TACC2: variants seen among roughly 807,000 people sequenced by gnomAD.
TACC2 encodes the protein transforming acidic coiled-coil containing protein 2, also known as transforming acidic coiled-coil-containing protein 2.
Under a neutral mutation model 227.3 loss-of-function variants are expected in TACC2, and 137 were observed. The ratio of observed to expected loss-of-function variants is 0.60; its 90% CI spans 0.52 to 0.69. The LOEUF is 0.69. Ranked by LOEUF, TACC2 falls within the 30% of genes least tolerant of loss-of-function variation. The pLI, the probability that TACC2 is intolerant of heterozygous loss-of-function variation, is 0.00. For synonymous variants in TACC2, 1,523 were observed against 1,487.5 expected (o/e 1.02, Z -0.55); for missense variants, 3,470 against 3,694.4 (o/e 0.94, Z 1.57).
chr10:122,017,145 TCC>T (rs1956755308), intron 1 of TACC2, among the ~76,000 whole-genome samples: 1 of 152,138 alleles, frequency 6.6e-6, no homozygotes, highest in African/African-American at 2.4e-5. Context: ...GAGCAGCCTC[TCC>T]TCTCTGCTCA....
chr10:122,147,903 T>C (rs2091581780), intron 7 of TACC2, among the ~76,000 whole-genome samples: 1 of 152,144 alleles, frequency 6.6e-6, no homozygotes, highest in South Asian at 2.1e-4. Context: ...TCACCTTCAG[T>C]GCACTCTCCA....
At chr10:122,122,100 A>G (rs1396069528) in intron 5 of TACC2, among the ~76,000 whole-genome samples, 3 of 152,200 alleles carry the variant, frequency 2.0e-5, no homozygotes, top group African/African-American at 7.2e-5. Context: ...TCACGCCTGT[A>G]ATCCCAGCAC....
At chr10:122,183,406 C>T (rs563141351) in intron 7 of TACC2, among the ~76,000 whole-genome samples, 1 of 152,200 alleles carries the variant, frequency 6.6e-6, no homozygotes, top group East Asian at 1.9e-4. Context: ...ATGAGAGTAA[C>T]AGAATTCAGG....
At chr10:122,114,723 A>T (rs1342730976) in intron 5 of TACC2, among the ~76,000 whole-genome samples, 1 of 152,210 alleles carries the variant, frequency 6.6e-6, no homozygotes, top group African/African-American at 2.4e-5. Flanking sequence ...CAGAAGTGTG[A>T]TCATGGAATA....
At chr10:122,137,973 C>T (rs1202872554) in intron 6 of TACC2, among the ~76,000 whole-genome samples, 1 of 152,236 alleles carries the variant, frequency 6.6e-6, no homozygotes, top group African/African-American at 2.4e-5. Context: ...AGTGTCATAG[C>T]CTCACCAGCG....
chr10:122,171,711 C>T (rs1284834811), intron 7 of TACC2, among the ~76,000 whole-genome samples: 5 of 152,216 alleles, frequency 3.3e-5, no homozygotes, highest in South Asian at 2.1e-4. Context: ...TGTAGGTGGA[C>T]GTATCATTTG....
At chr10:122,056,556 C>T (rs2076231221) in intron 3 of TACC2, among the ~76,000 whole-genome samples, 1 of 152,202 alleles carries the variant, frequency 6.6e-6, no homozygotes. Flanking sequence ...TGCATTCTGC[C>T]ACGCGGCTGT....
In TACC2 at chr10:122,211,682, CAAG is replaced by C. The variant is rs763225454; in HGVS notation, c.7268_7270del (p.Lys2423del). Reference sequence around the variant, plus strand: ...ACGGGGATGGGCTAAACAAGCCCGCCAAGAAGAAGAAGACGCCCCTAAAGACGT... The same window carrying C: ...ACGGGGATGGGCTAAACAAGCCCGCCAAGAAGAAGACGCCCCTAAAGACGT... On this transcript the variant is annotated inframe_deletion, in exon 9 of 23. Coordinates refer to ENST00000369005, the MANE Select transcript of TACC2 (RefSeq NM_206862.4). 90 of 1,564,202 alleles carry C rather than the reference CAAG, an allele frequency of 5.8e-5. No individual in the cohort carries two copies. The highest frequency in any genetic ancestry group is 7.1e-5 in the Non-Finnish European group (83 of 1,162,184).
chr10:122,120,241 C>G (rs111768863), intron 5 of TACC2, among the ~76,000 whole-genome samples: 3 of 152,164 alleles, frequency 2.0e-5, no homozygotes, highest in Non-Finnish European at 4.4e-5. Flanking sequence ...CCTGCTCCCC[C>G]GCCTGGCCTA....
At chr10:122,253,965 A>C (rs1414805305) in intron 22 of TACC2, 26 bp from the exon 23 acceptor site, 3 of 1,608,736 alleles carry the variant, frequency 1.9e-6, no homozygotes, top group Non-Finnish European at 2.6e-6. Flanking sequence ...AAACATCAGC[A>C]ACTTCTTCCT....
chr10:122,062,181 C>T (rs1039525565), intron 3 of TACC2, among the ~76,000 whole-genome samples: 4 of 151,990 alleles, frequency 2.6e-5, no homozygotes, highest in South Asian at 2.1e-4. Context: ...TACAGGTGCC[C>T]GCCACCACGC....
chr10:122,102,532 TC>T (rs1426573255), intron 5 of TACC2, among the ~76,000 whole-genome samples: 1 of 152,224 alleles, frequency 6.6e-6, no homozygotes, highest in Non-Finnish European at 1.5e-5. Flanking sequence ...CACTTGGACA[TC>T]TGACTGTCTC....
At chr10:122,018,801 A>C (rs1346474638) in intron 1 of TACC2, among the ~76,000 whole-genome samples, 2 of 152,030 alleles carry the variant, frequency 1.3e-5, no homozygotes, top group Non-Finnish European at 2.9e-5. Flanking sequence ...AAACATACAC[A>C]CTTCTGCTCT....
chr10:122,012,823 G>T (rs56281275), intron 1 of TACC2, among the ~76,000 whole-genome samples: 69,190 of 151,654 alleles, frequency 0.46, 15,908 homozygotes, highest in South Asian at 0.62. Context: ...CACCATGTGG[G>T]GGTGCTGCAG....
At chr10:122,051,968 G>C (rs1223126588) in intron 3 of TACC2, 1 of 151,736 alleles carries the variant, frequency 6.6e-6, no homozygotes, top group Non-Finnish European at 1.5e-5. Flanking sequence ...TTTGCTGAGG[G>C]AATCAGAATG....
chr10:122,102,535 G>A (rs2082291789), intron 5 of TACC2, among the ~76,000 whole-genome samples: 1 of 152,210 alleles, frequency 6.6e-6, no homozygotes, highest in African/African-American at 2.4e-5. Flanking sequence ...TTGGACATCT[G>A]ACTGTCTCCT....
At chr10:122,249,517 A>G (rs1564879226) in intron 21 of TACC2, 27 bp from the exon 22 acceptor site, 1 of 1,610,348 alleles carries the variant, frequency 6.2e-7, no homozygotes, top group Non-Finnish European at 8.5e-7. Flanking sequence ...CAAAAGAGTG[A>G]TAATTCTGAG....
chr10:122,147,451 CT>C lies in TACC2; in HGVS notation c.5834+3752del, dbSNP rs1471377163. On this transcript the variant is annotated intron_variant, in intron 7 of 22. Transcript: ENST00000369005. ...TGAGCCACTGCGCCCCGCCAAGTTC[CT>C]TTTTTTCCCCCATTTCAGTACTGTC... 2.4e-4 allele frequency among the ~76,000 whole-genome samples: 36 copies of C among 152,224 alleles called. 1 individual carries two copies. The highest frequency in any genetic ancestry group is 1.1e-3 in the Admixed American group (17 of 15,286).
At chr10:122,152,494 C>T (rs1366984967) in intron 7 of TACC2, among the ~76,000 whole-genome samples, 1 of 152,220 alleles carries the variant, frequency 6.6e-6, no homozygotes, top group Non-Finnish European at 1.5e-5. Context: ...CATATGTGTC[C>T]ACGATTGGCA....
Sources: gnomAD v4.1 joint callset for allele counts (sites outside exome capture counted in the v4.1 genomes callset) on GRCh38, gnomAD v4.1.1 for gene constraint, MANE v1.5 for transcripts, NCBI Gene and HGNC (gene_info 2026-07-23, HGNC 2026-07-21) for gene names.